Variants in NDUFS5 observed in about 807,000 individuals in gnomAD.
NDUFS5 encodes NADH dehydrogenase [ubiquinone] iron-sulfur protein 5.
Under a neutral mutation model 10.5 loss-of-function variants are expected in NDUFS5, and 7 were observed. The observed-to-expected ratio is 0.66, with a 90% CI of 0.38 to 1.25. NDUFS5 has a LOEUF of 1.25. Ranked by LOEUF, NDUFS5 falls within the 50% of genes most tolerant of loss-of-function variation. The pLI is 0.02. For missense variants in NDUFS5, 148 were observed against 140.7 expected (o/e 1.05, Z -0.26); for synonymous variants, 38 against 44.0 (o/e 0.86, Z 0.54).
chr1:39,033,422 A>C (rs867911043), intron 2 of NDUFS5, among the ~76,000 whole-genome samples: 1 of 151,170 alleles, frequency 6.6e-6, no homozygotes, highest in South Asian at 2.1e-4. Context: ...AAATACAAAA[A>C]ATTAGCCGGG....
At chr1:39,031,809 G>A (rs571369467) in intron 2 of NDUFS5, among the ~76,000 whole-genome samples, 1 of 152,270 alleles carries the variant, frequency 6.6e-6, no homozygotes, top group South Asian at 2.1e-4. Flanking sequence ...TTAGAATCAA[G>A]TCCTATTGTA....
intron 2 of NDUFS5, among the ~76,000 whole-genome samples, chr1:39,029,590 C>A (rs1644176222): frequency 6.6e-6 from 1 of 152,142 alleles, no homozygotes; most frequent in Non-Finnish European, 1.5e-5. Context: ...GGATGTTGAC[C>A]CTTGAAAATC....
chr1:39,031,595 C>T (rs1460786616), intron 2 of NDUFS5, among the ~76,000 whole-genome samples: 1 of 152,162 alleles, frequency 6.6e-6, no homozygotes, highest in Non-Finnish European at 1.5e-5. Context: ...AATGAGCCGC[C>T]ACGTCCAGCA....
chr1:39,027,932 C>T (rs1036346303), intron 1 of NDUFS5, among the ~76,000 whole-genome samples: 4 of 145,914 alleles, frequency 2.7e-5, no homozygotes, highest in African/African-American at 1.0e-4. Context: ...GTTCTCCTGT[C>T]TCAGCCTCCC....
At position 39,034,467 on chromosome 1, in the gene NDUFS5, C is replaced by T. The variant is rs777414308; in HGVS notation, c.292C>T (p.His98Tyr). ...KEGKYTPPPH[H>Y]IGKGEPRP Reference sequence around the variant, plus strand: ...AGGAAAGTACACCCCTCCACCTCACCACATTGGCAAGGGGGAGCCTCGGCC... The same window carrying T: ...AGGAAAGTACACCCCTCCACCTCACTACATTGGCAAGGGGGAGCCTCGGCC... Residue 98 changes from histidine to tyrosine, a missense_variant, in exon 3 of 3, where the codon CAC (histidine) becomes TAC (tyrosine). Transcript: ENST00000372969. 12 of 1,613,664 alleles carry T rather than the reference C, an allele frequency of 7.4e-6. No individual in the cohort carries two copies. In the East Asian group the frequency reaches 2.7e-4, roughly 36 times the overall value.
rs560964627 is a variant in NDUFS5 at position 39,030,912 on chromosome 1, G to A, written c.216+1972G>A. ...TTTGAGACAGCGTCTCACTCCCGTCGCCCAGGCTGGAGTGCGGTAGCGTGT... is the reference window on the plus strand; with the variant it reads ...TTTGAGACAGCGTCTCACTCCCGTCACCCAGGCTGGAGTGCGGTAGCGTGT... On this transcript the variant is annotated intron_variant, in intron 2 of 2. Coordinates refer to ENST00000372969, the MANE Select transcript of NDUFS5 (RefSeq NM_004552.3). Among the ~76,000 whole-genome samples the A allele has an allele frequency of 1.7e-4, 26 of 152,016 alleles. No homozygotes were observed. In the South Asian group the frequency reaches 4.2e-3, roughly 24 times the overall value.
rs2274192 is a variant in NDUFS5, at chr1:39,028,622, G to A, written c.-2-101G>A. ...AATAATATCAAACAGTGTTCTAGAGGGCTACTTAGCATGATTATCTAATTT... is the reference window on the plus strand; with the variant it reads ...AATAATATCAAACAGTGTTCTAGAGAGCTACTTAGCATGATTATCTAATTT... On this transcript the variant is annotated intron_variant, in intron 1 of 2. Coordinates refer to ENST00000372969, the MANE Select transcript of NDUFS5 (RefSeq NM_004552.3). The A allele has an allele frequency of 1.6e-4, 163 of 1,015,566 alleles. No homozygotes were observed. In the East Asian group the frequency reaches 3.6e-3, roughly 22 times the overall value. 62.9% of individuals were successfully genotyped at this position (1,015,566 alleles called of 1,614,324 possible).
At chr1:39,026,548 C>T (rs1644150248) in intron 1 of NDUFS5, 146 bp downstream of exon 1, 1 of 152,574 alleles carries the variant, frequency 6.6e-6, no homozygotes, top group African/African-American at 2.4e-5. Context: ...CAGGCCGCTT[C>T]ACCTCCACAG....
chr1:39,034,274 C>T (rs1036505871), intron 2 of NDUFS5, 118 bp from the exon 3 acceptor site: 6 of 855,582 alleles, frequency 7.0e-6, no homozygotes, highest in Admixed American at 2.1e-5. Flanking sequence ...TCAGAGGCCC[C>T]GTAAGATGAA....
chr1:39,034,286 G>A, intron 2 of NDUFS5, 106 bp from the exon 3 acceptor site: 3 of 963,144 alleles, frequency 3.1e-6, no homozygotes, highest in East Asian at 2.7e-5. Flanking sequence ...TAAGATGAAA[G>A]GCCTTTTGTA....
rs1335628611 is a variant in NDUFS5 at position 39,028,950 on chromosome 1, T to C, written c.216+10T>C. ...GCTTCGGCAGAAAACGGTAAGGAAA[T>C]GATGGAGGTGGAAGCTGAATTACTT... On this transcript the variant is annotated intron_variant, in intron 2 of 2. Transcript: ENST00000372969. 2 of 1,611,002 alleles carry C rather than the reference T, an allele frequency of 1.2e-6. No homozygotes were observed. The highest frequency in any genetic ancestry group is 2.7e-5 in the African/African-American group (2 of 74,698).
chr1:39,033,438 T>G (rs1216342529), intron 2 of NDUFS5, among the ~76,000 whole-genome samples: 5 of 151,200 alleles, frequency 3.3e-5, no homozygotes, highest in Admixed American at 3.3e-4. Context: ...CCGGGTGTGG[T>G]GGCGGGCGCC....
At chr1:39,028,658 A>G (rs926724458) in intron 1 of NDUFS5, 65 bp from the exon 2 acceptor site, 1 of 1,434,444 alleles carries the variant, frequency 7.0e-7, no homozygotes, top group African/African-American at 1.4e-5. Flanking sequence ...TTTCTTAGAA[A>G]TTTCTCAGTT....
chr1:39,029,774 C>T (rs968258983), intron 2 of NDUFS5, among the ~76,000 whole-genome samples: 24 of 152,140 alleles, frequency 1.6e-4, no homozygotes, highest in African/African-American at 5.8e-4. Context: ...GGGATGTTAA[C>T]AGCTTAGTGT....
chr1:39,031,891 A>G (rs12095601), intron 2 of NDUFS5, among the ~76,000 whole-genome samples: 8,139 of 152,148 alleles, frequency 0.053, 648 homozygotes, highest in African/African-American at 0.18. Context: ...TAGTTTCCCC[A>G]TTACACAGTT....
At chr1:39,027,638 G>C (rs1475638487) in intron 1 of NDUFS5, among the ~76,000 whole-genome samples, 3 of 131,688 alleles carry the variant, frequency 2.3e-5, no homozygotes, top group Non-Finnish European at 1.6e-5. Flanking sequence ...GAGTGCAGTG[G>C]CCAGGTCATA....
chr1:39,033,811 T>C (rs1245525735), intron 2 of NDUFS5, among the ~76,000 whole-genome samples: 1 of 145,356 alleles, frequency 6.9e-6, no homozygotes, highest in Non-Finnish European at 1.5e-5. Context: ...TTTATTTATT[T>C]ATTTATTGAG....
Position 39,034,273 on chromosome 1 carries a change from C to T in NDUFS5, c.217-119C>T, listed in dbSNP as rs1289467570. ...AAAGGCGGACTTCATTTCAGAGGCC[C>T]CGTAAGATGAAAGGCCTTTTGTAGT... On this transcript the variant is annotated intron_variant, in intron 2 of 2. Coordinates refer to ENST00000372969, the MANE Select transcript of NDUFS5 (RefSeq NM_004552.3). The T allele has an allele frequency of 9.5e-6, 8 of 840,808 alleles. No homozygotes were observed. The East Asian group carries it at 1.4e-4, about 15-fold the overall frequency. 52.1% of individuals were successfully genotyped at this position (840,808 alleles called of 1,614,324 possible).
At chr1:39,030,628 G>A (rs1254210947) in intron 2 of NDUFS5, among the ~76,000 whole-genome samples, 1 of 150,470 alleles carries the variant, frequency 6.6e-6, no homozygotes, top group Admixed American at 6.7e-5. Flanking sequence ...GCTGAGGCAG[G>A]AGAATGGCAT....
Sources: allele counts gnomAD v4.1 joint callset (sites outside exome capture counted in the v4.1 genomes callset), GRCh38; gene constraint gnomAD v4.1.1; transcripts MANE v1.5; gene names NCBI Gene and HGNC (gene_info 2026-07-23, HGNC 2026-07-21).